The following ADGRB3 variants were observed in gnomAD, a reference collection of about 807,000 sequenced individuals.
The protein encoded by ADGRB3 is brain-specific angiogenesis inhibitor 3.
Under a neutral mutation model 193.4 loss-of-function variants are expected in ADGRB3, and 37 were observed. The ratio of observed to expected loss-of-function variants is 0.19; its 90% confidence interval spans 0.15 to 0.25. The LOEUF (loss-of-function observed/expected upper bound fraction) is 0.25. Ranked by LOEUF, ADGRB3 falls within the 10% of genes least tolerant of loss-of-function variation. The pLI, the probability that ADGRB3 is intolerant of heterozygous loss-of-function variation, is 1.00. For synonymous variants in ADGRB3, 690 were observed against 644.2 expected, an observed-to-expected ratio of 1.07 and a Z score of -1.08; for missense variants, 1,637 against 1,852.9, an observed-to-expected ratio of 0.88 and a Z score of 2.14.
rs1562128918 is a variant in ADGRB3 at position 69,031,058 on chromosome 6, T to TTTTTTTTTC, written c.2107+12559_2107+12560insTTTTTTTTC. On this transcript the variant is annotated intron_variant, in intron 13 of 31. Transcript: ENST00000370598. Reference sequence around the variant, plus strand: ...TCTTCTCTCTTCTCTTCTCTTCTCTTCTCTTCTCTTCTCTTCTCTTCTCTT... The same window carrying TTTTTTTTTC: ...TCTTCTCTCTTCTCTTCTCTTCTCTTTTTTTTTTCCTCTTCTCTTCTCTTCTCTTCTCTT... Among the ~76,000 whole-genome samples the TTTTTTTTTC allele has an allele frequency of 1.8e-3, 59 of 32,030 alleles. 5 individuals carry two copies. The highest frequency in any genetic ancestry group is 3.2e-3 in the Non-Finnish European group (36 of 11,266). 21.0% of individuals were successfully genotyped at this position (32,030 alleles called of 152,430 possible).
intron 20 of ADGRB3, among the ~76,000 whole-genome samples, chr6:69,255,886 G>A (rs563379059): frequency 1.2e-4 from 18 of 152,274 alleles, no homozygotes; most frequent in African/African-American, 1.9e-4. Flanking sequence ...TGTATAAGGT[G>A]TAAGGAAGGG....
intron 3 of ADGRB3, among the ~76,000 whole-genome samples, chr6:68,861,412 A>T (rs184816648): frequency 2.0e-5 from 3 of 152,166 alleles, no homozygotes; most frequent in Admixed American, 2.0e-4. Context: ...ATACAAAAAA[A>T]TTAGCCGGGC....
At position 68,784,364 on chromosome 6, in the gene ADGRB3, A is replaced by G. The variant is rs183198989; in HGVS notation, c.757+144932A>G. On this transcript the variant is annotated intron_variant, in intron 3 of 31. Coordinates refer to ENST00000370598, the MANE Select transcript of ADGRB3 (RefSeq NM_001704.3). ...CAGTGTTACTTTTTTCTATGCTCACATATCACCTTGATCTGAGACAAATTA... is the reference window on the plus strand; with the variant it reads ...CAGTGTTACTTTTTTCTATGCTCACGTATCACCTTGATCTGAGACAAATTA... Among the ~76,000 whole-genome samples the G allele has an allele frequency of 9.9e-5, 15 of 152,238 alleles. No homozygotes were observed. The East Asian group carries it at 2.7e-3, about 27-fold the overall frequency.
chr6:68,909,847 G>A (rs550597628), intron 3 of ADGRB3, among the ~76,000 whole-genome samples: 1 of 152,254 alleles, frequency 6.6e-6, no homozygotes, highest in East Asian at 1.9e-4. Context: ...TTGCTATTGT[G>A]AATAGTGCCA....
At chr6:68,798,370 A>T (rs1428677355) in intron 3 of ADGRB3, among the ~76,000 whole-genome samples, 2 of 152,194 alleles carry the variant, frequency 1.3e-5, no homozygotes, top group African/African-American at 4.8e-5. Context: ...TAGGGGAGTC[A>T]AATATGTGAG....
chr6:68,849,362 C>T (rs1367781746), intron 3 of ADGRB3, among the ~76,000 whole-genome samples: 3 of 151,376 alleles, frequency 2.0e-5, no homozygotes, highest in Non-Finnish European at 4.4e-5. Context: ...AAAAAAAAAT[C>T]ACTGAAAATT....
At chr6:69,052,446 T>A (rs1771426629) in intron 15 of ADGRB3, among the ~76,000 whole-genome samples, 1 of 152,246 alleles carries the variant, frequency 6.6e-6, no homozygotes. Flanking sequence ...AGGATTTTAC[T>A]AATTATCTGT....
At chr6:69,166,646 T>C (rs1276025500) in intron 17 of ADGRB3, among the ~76,000 whole-genome samples, 2 of 152,060 alleles carry the variant, frequency 1.3e-5, no homozygotes, top group African/African-American at 4.8e-5. Flanking sequence ...CCAACAAATA[T>C]TGAGTGCATC....
intron 13 of ADGRB3, among the ~76,000 whole-genome samples, chr6:69,025,105 A>AAT (rs1554246802): frequency 1.9e-4 from 27 of 145,826 alleles, no homozygotes; most frequent in African/African-American, 6.4e-4. Flanking sequence ...AAAAAAAAAA[A>AAT]AAAATAAAAA....
intron 3 of ADGRB3, among the ~76,000 whole-genome samples, chr6:68,915,114 G>A (rs568998090): frequency 6.6e-6 from 1 of 152,228 alleles, no homozygotes; most frequent in Admixed American, 6.5e-5. Context: ...AATCTTAGTG[G>A]TCTTATTAAC....
chr6:69,056,247 G>A (rs1389427549), intron 15 of ADGRB3, among the ~76,000 whole-genome samples: 2 of 152,072 alleles, frequency 1.3e-5, no homozygotes, highest in Admixed American at 6.5e-5. Context: ...TATCCTTGTT[G>A]TCCATTTGCG....
intron 8 of ADGRB3, among the ~76,000 whole-genome samples, chr6:68,972,549 G>T (rs1768607543): frequency 6.6e-6 from 1 of 152,082 alleles, no homozygotes; most frequent in African/African-American, 2.4e-5. Context: ...TAGTTCATTT[G>T]CTTCTCTGTG....
intron 3 of ADGRB3, among the ~76,000 whole-genome samples, chr6:68,703,942 C>A (rs1765285009): frequency 6.6e-6 from 1 of 151,994 alleles, no homozygotes; most frequent in East Asian, 1.9e-4. Context: ...AGTATATTGT[C>A]ATTGATAGAT....
At chr6:69,271,541 T>C (rs1767178548) in intron 20 of ADGRB3, among the ~76,000 whole-genome samples, 1 of 152,210 alleles carries the variant, frequency 6.6e-6, no homozygotes, top group East Asian at 1.9e-4. Flanking sequence ...GGTAATGTGT[T>C]TGTAAATCAA....
chr6:69,308,577 A>C (rs1187554651), intron 20 of ADGRB3, among the ~76,000 whole-genome samples: 2 of 151,724 alleles, frequency 1.3e-5, no homozygotes, highest in Non-Finnish European at 3.0e-5. Flanking sequence ...ATTAATACCA[A>C]AGGTAATATT....
intron 17 of ADGRB3, among the ~76,000 whole-genome samples, chr6:69,152,200 G>C (rs971162259): frequency 1.3e-5 from 2 of 152,122 alleles, no homozygotes; most frequent in African/African-American, 4.8e-5. Context: ...TTTCTTTCAA[G>C]CTCTAAATCT....
At chr6:69,385,304 AAG>A (rs1359268889) in intron 31 of ADGRB3, among the ~76,000 whole-genome samples, 19 of 151,994 alleles carry the variant, frequency 1.3e-4, no homozygotes, top group African/African-American at 4.3e-4. Context: ...GGAAAGAAAG[AAG>A]AGAGAGAGGA....
At chr6:68,891,304 C>T (rs1766071359) in intron 3 of ADGRB3, among the ~76,000 whole-genome samples, 1 of 152,048 alleles carries the variant, frequency 6.6e-6, no homozygotes, top group Non-Finnish European at 1.5e-5. Context: ...GGTGGGGACA[C>T]AGAGCCAAAC....
chr6:69,104,032 T>A (rs1172756805), intron 17 of ADGRB3, among the ~76,000 whole-genome samples: 1 of 152,072 alleles, frequency 6.6e-6, no homozygotes, highest in Non-Finnish European at 1.5e-5. Flanking sequence ...AACTTTAGTT[T>A]TTAATTTTTT....
Sources: allele counts gnomAD v4.1 joint callset (sites outside exome capture counted in the v4.1 genomes callset), GRCh38; gene constraint gnomAD v4.1.1; transcripts MANE v1.5; gene names NCBI Gene and HGNC (gene_info 2026-07-23, HGNC 2026-07-21).